Variants in TCERG1L observed in about 807,000 individuals in gnomAD.
TCERG1L encodes the protein transcription elongation regulator 1 like, also known as transcription elongation regulator 1-like protein.
TCERG1L carries 37 observed loss-of-function variants against 56.3 expected under a neutral mutation model. The ratio of observed to expected loss-of-function variants is 0.66; its 90% CI spans 0.51 to 0.87. TCERG1L has a LOEUF of 0.87. Among genes scored for constraint, TCERG1L ranks in the 40% least tolerant of loss-of-function variants. TCERG1L has a pLI of 0.00. For missense variants in TCERG1L, 799 were observed against 774.2 expected, an observed-to-expected ratio of 1.03 and a Z score of -0.38; for synonymous variants, 324 against 326.3, an observed-to-expected ratio of 0.99 and a Z score of 0.08.
chr10:131,163,705 GTC>G (rs1846001687), intron 5 of TCERG1L, among the ~76,000 whole-genome samples: 1 of 152,170 alleles, frequency 6.6e-6, no homozygotes, highest in Non-Finnish European at 1.5e-5. Flanking sequence ...GCCACATAGA[GTC>G]TAGTTCCTCC....
At chr10:131,225,468 G>T (rs981382810) in intron 4 of TCERG1L, among the ~76,000 whole-genome samples, 5 of 152,094 alleles carry the variant, frequency 3.3e-5, no homozygotes, top group African/African-American at 9.7e-5. Flanking sequence ...AAATCCAAAG[G>T]TATCCAGGAC....
intron 4 of TCERG1L, among the ~76,000 whole-genome samples, chr10:131,225,628 C>T (rs1392013117): frequency 6.6e-6 from 1 of 152,262 alleles, no homozygotes; most frequent in African/African-American, 2.4e-5. Flanking sequence ...AATCTCACAA[C>T]GGCTCCAGAA....
intron 4 of TCERG1L, among the ~76,000 whole-genome samples, chr10:131,256,992 G>GGAAGGAAGAAAGAAA (rs1846173015): frequency 3.4e-5 from 2 of 59,170 alleles, no homozygotes; most frequent in African/African-American, 1.1e-4. Context: ...AAGGAAGGAA[G>GGAAGGAAGAAAGAAA]GAAAGAAAGA....
chr10:131,195,750 G>T (rs532615719), intron 4 of TCERG1L, among the ~76,000 whole-genome samples: 3 of 152,296 alleles, frequency 2.0e-5, no homozygotes, highest in Non-Finnish European at 4.4e-5. Flanking sequence ...TTATCTTCTG[G>T]GGGACGCCCC....
intron 4 of TCERG1L, among the ~76,000 whole-genome samples, chr10:131,255,302 A>G (rs555625014): frequency 2.8e-4 from 42 of 152,384 alleles, no homozygotes; most frequent in African/African-American, 9.4e-4. Flanking sequence ...AAGAAAGCAT[A>G]TATCTGAGTG....
chr10:131,112,708 T>C (rs1006847808), intron 9 of TCERG1L, among the ~76,000 whole-genome samples: 12 of 142,050 alleles, frequency 8.4e-5, no homozygotes, highest in African/African-American at 2.7e-4. Flanking sequence ...AGAAACAGTA[T>C]GGCAATGGCC....
chr10:131,228,240 C>T (rs12412696), intron 4 of TCERG1L, among the ~76,000 whole-genome samples: 12,392 of 73,470 alleles, frequency 0.17, 56 homozygotes, highest in East Asian at 0.24. Flanking sequence ...TCCGGAGTCT[C>T]CCCTCCAGAC....
chr10:131,144,776 T>C (rs947302727), intron 7 of TCERG1L, among the ~76,000 whole-genome samples: 3 of 152,204 alleles, frequency 2.0e-5, no homozygotes. Flanking sequence ...GTATTTCTGG[T>C]TGTAAAACCT....
At chr10:131,227,048 G>C (rs1158408605) in intron 4 of TCERG1L, among the ~76,000 whole-genome samples, 1 of 152,372 alleles carries the variant, frequency 6.6e-6, no homozygotes, top group South Asian at 2.1e-4. Context: ...ACAACAGCAA[G>C]GCTGAAAATC....
intron 4 of TCERG1L, among the ~76,000 whole-genome samples, chr10:131,227,033 T>C (rs1001074107): frequency 1.3e-5 from 2 of 152,248 alleles, no homozygotes; most frequent in Non-Finnish European, 2.9e-5. Context: ...TCTCCAGCCC[T>C]GCTCACAACA....
chr10:131,276,519 C>T (rs945166994), intron 3 of TCERG1L, among the ~76,000 whole-genome samples: 10 of 152,242 alleles, frequency 6.6e-5, no homozygotes, highest in African/African-American at 2.2e-4. Context: ...TCACCTGCCT[C>T]GTCATATCCC....
chr10:131,265,179 G>A (rs1403892661), intron 3 of TCERG1L, among the ~76,000 whole-genome samples: 1 of 152,162 alleles, frequency 6.6e-6, no homozygotes, highest in Non-Finnish European at 1.5e-5. Flanking sequence ...GGTGAGAGTG[G>A]TTTGTATATG....
chr10:131,282,403 T>C (rs1230670418), intron 3 of TCERG1L, among the ~76,000 whole-genome samples: 4 of 152,174 alleles, frequency 2.6e-5, no homozygotes, highest in African/African-American at 9.7e-5. Flanking sequence ...TACAAAAATG[T>C]GTAGTGGTTG....
At chr10:131,138,609 T>C (rs772432068) in intron 7 of TCERG1L, among the ~76,000 whole-genome samples, 3 of 152,206 alleles carry the variant, frequency 2.0e-5, no homozygotes, top group Non-Finnish European at 2.9e-5. Context: ...AAGAAGTCCA[T>C]GTGTAAAAAT....
rs1390479155 is a variant in TCERG1L at position 131,244,932 on chromosome 10, G to T, written c.856+15327C>A. ...CACAGGCAGGGCCAGGTGTCTTCCT[G>T]CCCAGGACACTGGGGAACAGGAAGA... is the stretch of plus-strand genomic sequence containing the variant. On this transcript the variant is annotated intron_variant, in intron 4 of 11. Coordinates refer to ENST00000368642, the MANE Select transcript of TCERG1L (RefSeq NM_174937.4). Among the ~76,000 whole-genome samples the T allele has an allele frequency of 2.0e-5, 3 of 152,314 alleles. No individual in the cohort carries two copies. In the East Asian group the frequency reaches 5.8e-4, roughly 29 times the overall value.
chr10:131,202,197 G>A (rs999217516), intron 4 of TCERG1L, among the ~76,000 whole-genome samples: 1 of 152,208 alleles, frequency 6.6e-6, no homozygotes, highest in South Asian at 2.1e-4. Context: ...TCAACTGATT[G>A]TAACAGCCCA....
chr10:131,157,241 T>C (rs1420819642), intron 6 of TCERG1L, among the ~76,000 whole-genome samples: 1 of 152,240 alleles, frequency 6.6e-6, no homozygotes, highest in Non-Finnish European at 1.5e-5. Flanking sequence ...TAAAAAGAAC[T>C]TTGATCTGTG....
At chr10:131,121,277 G>C (rs1400586104) in intron 8 of TCERG1L, among the ~76,000 whole-genome samples, 1 of 152,170 alleles carries the variant, frequency 6.6e-6, no homozygotes, top group Non-Finnish European at 1.5e-5. Context: ...CTGCAGATGT[G>C]ATGAGGTCAA....
At position 131,116,798 on chromosome 10, in the gene TCERG1L, C is replaced by A; in HGVS notation, c.1395+1G>T. 2 of 1,558,954 alleles carry A rather than the reference C, an allele frequency of 1.3e-6. No homozygotes were observed. The highest frequency in any genetic ancestry group is 1.7e-6 in the Non-Finnish European group (2 of 1,152,900). On this transcript the variant is annotated splice_donor_variant, in intron 9 of 11. Coordinates refer to ENST00000368642, the MANE Select transcript of TCERG1L (RefSeq NM_174937.4). LOFTEE classifies it high-confidence loss of function. Reference sequence around the variant, plus strand: ...GCAGCCCCTCAGCCGCTGTGCCTTACCCCTCTCTCCAGCAGCATGTCTCGG... The same window carrying A: ...GCAGCCCCTCAGCCGCTGTGCCTTAACCCTCTCTCCAGCAGCATGTCTCGG...
Sources: allele counts gnomAD v4.1 joint callset (sites outside exome capture counted in the v4.1 genomes callset), GRCh38; gene constraint gnomAD v4.1.1; transcripts MANE v1.5; gene names NCBI Gene and HGNC (gene_info 2026-07-23, HGNC 2026-07-21).